The following RTTN variants were observed in gnomAD, a reference collection of about 807,000 sequenced individuals.
RTTN encodes rotatin.
A neutral mutation model predicts 269.2 loss-of-function variants in RTTN; 182 were observed. That is an observed-to-expected ratio of 0.68 (90% CI 0.60 to 0.76). The LOEUF (loss-of-function observed/expected upper bound fraction) is 0.76. RTTN is among the 30% of genes least tolerant of loss of function. The pLI is 0.00. For synonymous variants in RTTN, 1,006 were observed against 963.5 expected (o/e 1.04, Z -0.82); for missense variants, 2,545 against 2,608.6 (o/e 0.98, Z 0.53).
intron 34 of RTTN, among the ~76,000 whole-genome samples, chr18:70,067,873 A>G (rs750917650): frequency 2.0e-5 from 3 of 152,240 alleles, no homozygotes; most frequent in African/African-American, 4.8e-5. Context: ...AAGGTCAGGC[A>G]TTAATAAAGA....
At chr18:70,026,380 TTCC>T (rs2056853698) in intron 43 of RTTN, among the ~76,000 whole-genome samples, 1 of 152,094 alleles carries the variant, frequency 6.6e-6, no homozygotes, top group Non-Finnish European at 1.5e-5. Flanking sequence ...GCTTGGTGCT[TTCC>T]TCAAGACAGT....
chr18:70,173,063 G>A (rs988408761), intron 11 of RTTN, among the ~76,000 whole-genome samples: 35 of 152,256 alleles, frequency 2.3e-4, no homozygotes, highest in African/African-American at 8.4e-4. Flanking sequence ...ATAATGACTA[G>A]TGAATACAAG....
intron 35 of RTTN, chr18:70,061,266 C>G: frequency 2.2e-6 from 1 of 444,644 alleles, no homozygotes; most frequent in East Asian, 7.0e-5. Context: ...GGTACCTGCA[C>G]CCTACATTAG....
chr18:70,161,574 T>C (rs1365594802), intron 14 of RTTN, among the ~76,000 whole-genome samples: 2 of 152,122 alleles, frequency 1.3e-5, no homozygotes, highest in South Asian at 2.1e-4. Flanking sequence ...GCCTACAGAA[T>C]GGGAGAAAAT....
At position 70,114,523 on chromosome 18, in the gene RTTN, G is replaced by C. The variant is rs1489768478; in HGVS notation, c.3605C>G (p.Ala1202Gly). 2 of 1,613,558 alleles carry C rather than the reference G, an allele frequency of 1.2e-6. No individual in the cohort carries two copies. The highest frequency in any genetic ancestry group is 1.7e-6 in the Non-Finnish European group (2 of 1,179,646). ...TTCTTTCTGAAGTTGTTGCCTGACA[G>C]CAGTCCGGATATCATCTGTTTCTTC... is the stretch of plus-strand genomic sequence containing the variant. ...AREETDDIRTAVRQQLQKELI... is the reference protein window; with the variant it reads ...AREETDDIRTGVRQQLQKELI... Residue 1202 changes from alanine (A) to glycine (G), a missense_variant, in exon 27 of 49, where the codon GCT (alanine) becomes GGT (glycine). By Grantham distance (60) the Ala-to-Gly change is moderately conservative. Transcript: ENST00000640769.
Position 70,205,588 on chromosome 18 carries a change from C to T in RTTN, c.31+40G>A, listed in dbSNP as rs771467824. ...GACCATTCTCAGCAAGTGGCCAGAG[C>T]GCGGGGGGTGCCTTGGGCGAGGGGC... On this transcript the variant is annotated intron_variant, in intron 1 of 48. Coordinates refer to ENST00000640769, the MANE Select transcript of RTTN (RefSeq NM_173630.4). 5.0e-6 allele frequency: 8 copies of T among 1,613,384 alleles called. No homozygotes were observed. In the African/African-American group the frequency reaches 6.7e-5, roughly 13 times the overall value.
rs1043925543 is a variant in RTTN, at chr18:70,201,971, T to G, written c.410A>C (p.Asn137Thr). The G allele has an allele frequency of 6.2e-7, 1 of 1,600,832 alleles. No homozygotes were observed. Among genetic ancestry groups the G allele is most frequent in the Non-Finnish European group, 8.6e-7 (1 of 1,168,988 alleles). ...YQTNQTELSK[N>T]PEILTGYFPQ... ...AAAATATCCTGTTAAGATTTCAGGG[T>G]TTTTTGACAATTCTGAAAAGGAAAT... The change falls in exon 4 of 49, where the codon AAC becomes ACC. Residue 137 changes from asparagine to threonine, a missense_variant. Coordinates refer to ENST00000640769, the MANE Select transcript of RTTN (RefSeq NM_173630.4).
intron 14 of RTTN, among the ~76,000 whole-genome samples, chr18:70,157,782 A>C (rs976519767): frequency 1.3e-5 from 2 of 152,194 alleles, no homozygotes; most frequent in African/African-American, 4.8e-5. Context: ...GAACTTCTGG[A>C]AACAAAAATT....
At chr18:70,055,724 G>A (rs1041462518) in intron 37 of RTTN, among the ~76,000 whole-genome samples, 2 of 152,064 alleles carry the variant, frequency 1.3e-5, no homozygotes, top group African/African-American at 2.4e-5. Context: ...TAGAGAAAAC[G>A]CTGAATTGCT....
chr18:70,094,618 T>C (rs1192128256), intron 28 of RTTN, among the ~76,000 whole-genome samples: 1 of 152,216 alleles, frequency 6.6e-6, no homozygotes, highest in African/African-American at 2.4e-5. Flanking sequence ...CAATGCTGAC[T>C]TCTAATTTGA....
intron 45 of RTTN, among the ~76,000 whole-genome samples, chr18:70,018,751 T>C (rs1359423102): frequency 1.3e-5 from 2 of 151,248 alleles, no homozygotes; most frequent in African/African-American, 4.8e-5. Context: ...GATTCAACCC[T>C]TGCTGGATTT....
intron 10 of RTTN, among the ~76,000 whole-genome samples, chr18:70,184,758 G>GTGTGTGTGTGT (rs34527835): frequency 8.4e-6 from 1 of 119,232 alleles, no homozygotes; most frequent in African/African-American, 2.9e-5. Flanking sequence ...GTGTGTGTGT[G>GTGTGTGTGTGT]GTGGCGGGCG....
chr18:70,056,245 C>G lies in RTTN; in HGVS notation c.5031+1497G>C, dbSNP rs117180439. ...TGAGTGAATGATCTTATATAAATAC[C>G]AAGAGCCCAGAAGCATTTAATCTAC... On this transcript the variant is annotated intron_variant, in intron 37 of 48. Transcript: ENST00000640769. Among the ~76,000 whole-genome samples the G allele has an allele frequency of 6.1e-3, 925 of 152,170 alleles. 3 individuals carry two copies. The highest frequency in any genetic ancestry group is 0.01 in the Middle Eastern group (3 of 294).
intron 39 of RTTN, among the ~76,000 whole-genome samples, chr18:70,048,588 G>T (rs191555653): frequency 2.9e-4 from 44 of 151,654 alleles, no homozygotes; most frequent in Admixed American, 2.8e-3. Context: ...TGAAAAATTG[G>T]ATTTATAATT....
intron 35 of RTTN, among the ~76,000 whole-genome samples, chr18:70,062,303 G>T (rs114194129): frequency 0.014 from 2,195 of 152,158 alleles, 56 homozygotes; most frequent in African/African-American, 0.051. Flanking sequence ...TATACAAGAA[G>T]ATACATGCAG....
chr18:70,058,816 A>G (rs2057894400), intron 36 of RTTN, among the ~76,000 whole-genome samples: 1 of 152,236 alleles, frequency 6.6e-6, no homozygotes, highest in Non-Finnish European at 1.5e-5. Flanking sequence ...ATCAATAAAT[A>G]TTAAAGCCAG....
chr18:70,006,187 G>A (rs955577335), intron 47 of RTTN, 194 bp downstream of exon 47: 5 of 493,624 alleles, frequency 1.0e-5, no homozygotes, highest in African/African-American at 1.9e-5. Context: ...ACATTCTGTT[G>A]AAATGATTAA....
At chr18:70,030,576 AT>A (rs1284868223) in intron 41 of RTTN, among the ~76,000 whole-genome samples, 1 of 152,182 alleles carries the variant, frequency 6.6e-6, no homozygotes, top group African/African-American at 2.4e-5. Flanking sequence ...GGATAGTAAT[AT>A]TTAATTATAA....
intron 28 of RTTN, among the ~76,000 whole-genome samples, chr18:70,094,588 G>A (rs778258646): frequency 1.3e-5 from 2 of 152,118 alleles, no homozygotes; most frequent in Non-Finnish European, 2.9e-5. Flanking sequence ...ATGTAGTTGT[G>A]CGGTTTGTAG....
Sources: allele counts gnomAD v4.1 joint callset (sites outside exome capture counted in the v4.1 genomes callset), GRCh38; gene constraint gnomAD v4.1.1; transcripts MANE v1.5; gene names NCBI Gene and HGNC (gene_info 2026-07-23, HGNC 2026-07-21).